The following NTM variants were observed in gnomAD, a reference collection of about 807,000 sequenced individuals.
NTM encodes the protein IgLON family member 2.
In NTM, 13 loss-of-function variants were observed where a neutral mutation model predicts 42.1. The observed-to-expected ratio is 0.31, with a 90% CI of 0.20 to 0.49. NTM has a LOEUF of 0.49. NTM is among the 20% of genes least tolerant of loss of function. The probability of loss-of-function intolerance (pLI) is 0.99; values close to 1 mark genes in which losing one functional copy is unlikely to be tolerated. For synonymous variants in NTM, 187 were observed against 179.2 expected (o/e 1.04, Z -0.35); for missense variants, 373 against 452.8 (o/e 0.82, Z 1.60).
intron 1 of NTM, chr11:131,661,074 T>A: frequency 7.7e-7 from 1 of 1,293,562 alleles, no homozygotes; most frequent in Non-Finnish European, 1.0e-6. Flanking sequence ...ATTCTTCATC[T>A]TTTGCACAGA....
chr11:131,451,810 G>A (rs1295781913), intron 1 of NTM, among the ~76,000 whole-genome samples: 2 of 152,096 alleles, frequency 1.3e-5, no homozygotes, highest in African/African-American at 4.8e-5. Flanking sequence ...AAGGGCATGA[G>A]TGAAGGAGAG....
chr11:132,069,566 C>G (rs1464253075), intron 2 of NTM, among the ~76,000 whole-genome samples: 2 of 150,752 alleles, frequency 1.3e-5, no homozygotes, highest in Non-Finnish European at 1.5e-5. Flanking sequence ...ACACGTCAAA[C>G]TGACCGTCAC....
At chr11:131,374,084 A>T (rs1315332523) in intron 1 of NTM, among the ~76,000 whole-genome samples, 4 of 152,182 alleles carry the variant, frequency 2.6e-5, no homozygotes, top group Non-Finnish European at 5.9e-5. Context: ...GCAAAGTGGA[A>T]ACATCAGCCT....
At chr11:132,098,559 G>A (rs181477138) in intron 2 of NTM, among the ~76,000 whole-genome samples, 20 of 152,334 alleles carry the variant, frequency 1.3e-4, no homozygotes, top group South Asian at 4.1e-4. Flanking sequence ...CCTGCAGATA[G>A]TGTCCCTGTC....
At chr11:132,069,652 C>A (rs1285874540) in intron 2 of NTM, among the ~76,000 whole-genome samples, 12 of 150,546 alleles carry the variant, frequency 8.0e-5, no homozygotes, top group African/African-American at 2.5e-4. Flanking sequence ...GGTCACCCAG[C>A]CAAGTTAACA....
At chr11:131,459,982 T>G (rs1439934254) in intron 1 of NTM, among the ~76,000 whole-genome samples, 9 of 152,086 alleles carry the variant, frequency 5.9e-5, no homozygotes, top group Admixed American at 5.9e-4. Flanking sequence ...TAAAAGAAAA[T>G]AAGGCTCCGT....
chr11:131,659,323 A>C (rs2067643431), intron 1 of NTM, among the ~76,000 whole-genome samples: 1 of 152,204 alleles, frequency 6.6e-6, no homozygotes. Context: ...CAGCCTGACC[A>C]CATCCTAGTG....
In NTM at chr11:131,370,733, C is replaced by A; in HGVS notation, c.-74C>A. On this transcript the variant is annotated 5_prime_UTR_variant, in exon 1 of 9. Transcript: ENST00000683400. ...TCCTTGCACAAGCTTGAGAGCAACA[C>A]AATCTATCAGGAAAGAAAGAAAGAA... 1.6e-6 allele frequency: 2 copies of A among 1,282,316 alleles called. No individual in the cohort carries two copies. Among genetic ancestry groups the A allele is most frequent in the Non-Finnish European group, 2.2e-6 (2 of 901,030 alleles). The allele number at this position is 1,282,316 out of a possible 1,614,324, so 79.4% of individuals were successfully genotyped here.
chr11:132,317,880 C>G (rs2095472034), intron 7 of NTM, among the ~76,000 whole-genome samples: 1 of 152,050 alleles, frequency 6.6e-6, no homozygotes, highest in African/African-American at 2.4e-5. Flanking sequence ...ATCCCTTGCT[C>G]TCACTCCCCC....
At chr11:131,963,299 A>T (rs1208865544) in intron 2 of NTM, among the ~76,000 whole-genome samples, 2 of 152,190 alleles carry the variant, frequency 1.3e-5, no homozygotes, top group African/African-American at 2.4e-5. Context: ...TGTTTGCATG[A>T]CAGCTGGATA....
chr11:132,025,762 A>G (rs2075086776), intron 2 of NTM, among the ~76,000 whole-genome samples: 1 of 152,192 alleles, frequency 6.6e-6, no homozygotes, highest in African/African-American at 2.4e-5. Flanking sequence ...TTATTGAGGA[A>G]TAGCTTTTAT....
At chr11:132,248,953 G>A (rs899904366) in intron 4 of NTM, among the ~76,000 whole-genome samples, 23 of 152,258 alleles carry the variant, frequency 1.5e-4, no homozygotes, top group South Asian at 6.2e-4. Flanking sequence ...GGAAGGTGTC[G>A]GACACTGGTG....
rs1029222035 is a variant in NTM at position 131,783,116 on chromosome 11, G to A, written c.83-128448G>A. On this transcript the variant is annotated intron_variant, in intron 1 of 8. Coordinates refer to ENST00000683400, the MANE Select transcript of NTM (RefSeq NM_001352005.2). ...TCTACAGAAACACAAATATTAATAGGTGAATTTAACAAGGGTTTATGATTA... is the reference window on the plus strand; with the variant it reads ...TCTACAGAAACACAAATATTAATAGATGAATTTAACAAGGGTTTATGATTA... 5.3e-5 allele frequency among the ~76,000 whole-genome samples: 8 copies of A among 151,996 alleles called. No homozygotes were observed. The South Asian group carries it at 6.2e-4, about 12-fold the overall frequency.
chr11:132,206,254 G>T (rs2081976324), intron 3 of NTM, among the ~76,000 whole-genome samples: 1 of 152,080 alleles, frequency 6.6e-6, no homozygotes, highest in Non-Finnish European at 1.5e-5. Flanking sequence ...TCAAATGCTT[G>T]TCACTGCCTG....
intron 1 of NTM, among the ~76,000 whole-genome samples, chr11:131,784,412 T>C (rs2088751126): frequency 1.4e-5 from 2 of 145,372 alleles, no homozygotes; most frequent in Non-Finnish European, 1.5e-5. Context: ...TTCTATTGAG[T>C]AATGAGTAAT....
chr11:132,054,849 C>T (rs192429194), intron 2 of NTM, among the ~76,000 whole-genome samples: 1 of 152,258 alleles, frequency 6.6e-6, no homozygotes, highest in African/African-American at 2.4e-5. Context: ...ACATAATTCC[C>T]TTAGATGATG....
intron 1 of NTM, among the ~76,000 whole-genome samples, chr11:131,422,786 T>A (rs954896237): frequency 1.3e-5 from 2 of 152,212 alleles, no homozygotes; most frequent in Non-Finnish European, 2.9e-5. Context: ...TCAAATCCAC[T>A]TGCTTATCTG....
At chr11:131,705,981 C>T (rs2076553317) in intron 1 of NTM, among the ~76,000 whole-genome samples, 1 of 152,024 alleles carries the variant, frequency 6.6e-6, no homozygotes, top group Non-Finnish European at 1.5e-5. Context: ...AAGTCCTTAT[C>T]TATCAATAAT....
At chr11:131,463,153 C>T (rs747767711) in intron 1 of NTM, among the ~76,000 whole-genome samples, 2 of 152,200 alleles carry the variant, frequency 1.3e-5, no homozygotes, top group Non-Finnish European at 2.9e-5. Context: ...AAAAAGGTTA[C>T]AGGAGCAACA....
Sources: gnomAD v4.1 joint callset for allele counts (sites outside exome capture counted in the v4.1 genomes callset) on GRCh38, gnomAD v4.1.1 for gene constraint, MANE v1.5 for transcripts, NCBI Gene and HGNC (gene_info 2026-07-23, HGNC 2026-07-21) for gene names.